The following CALB2 variants were observed in gnomAD, a reference collection of about 807,000 sequenced individuals.
CALB2 encodes calretinin.
A neutral mutation model predicts 45.9 loss-of-function variants in CALB2; 34 were observed. The ratio of observed to expected loss-of-function variants is 0.74; its 90% CI spans 0.56 to 0.99. CALB2 has a LOEUF of 0.99. Ranked by LOEUF, CALB2 falls within the 50% of genes least tolerant of loss-of-function variation. The pLI is 0.00. For synonymous variants in CALB2, 142 were observed against 129.6 expected (o/e 1.10, Z -0.65); for missense variants, 344 against 339.3 (o/e 1.01, Z -0.11).
Position 71,383,330 on chromosome 16 carries a change from C to T in CALB2, c.400-37C>T, listed in dbSNP as rs111370553. 8,722 of 1,583,002 alleles carry T rather than the reference C, an allele frequency of 5.5e-3. 40 individuals carry two copies. The highest frequency in any genetic ancestry group is 0.012 in the South Asian group (1,088 of 90,130). On this transcript the variant is annotated intron_variant, in intron 5 of 10. Transcript: ENST00000302628. Reference sequence around the variant, plus strand: ...GGAAATGAATGAGGGACCGAATGCACGAGTCAGGAGTACTAAAGAGGCCTT... The same window carrying T: ...GGAAATGAATGAGGGACCGAATGCATGAGTCAGGAGTACTAAAGAGGCCTT...
chr16:71,373,790 A>G (rs1289386603), intron 2 of CALB2, among the ~76,000 whole-genome samples: 1 of 152,256 alleles, frequency 6.6e-6, no homozygotes, highest in Admixed American at 6.5e-5. Context: ...AGATGGCCAC[A>G]TTTGTGACAA....
At chr16:71,366,139 G>A (rs887501602) in intron 1 of CALB2, among the ~76,000 whole-genome samples, 3 of 145,126 alleles carry the variant, frequency 2.1e-5, no homozygotes, top group Admixed American at 7.1e-5. Flanking sequence ...CCATTCTCCT[G>A]CCTCAGCCTC....
At chr16:71,373,622 T>C (rs7193435) in intron 2 of CALB2, among the ~76,000 whole-genome samples, 23,323 of 152,170 alleles carry the variant, frequency 0.15, 1,979 homozygotes, top group African/African-American at 0.21. Context: ...GAGCAGCTGT[T>C]ATATAGTAGA....
rs543192810 is a variant in CALB2, at chr16:71,372,304, G to A, written c.171+75G>A. The A allele has an allele frequency of 7.5e-5, 79 of 1,054,800 alleles. No individual in the cohort carries two copies. In the African/African-American group the frequency reaches 1.0e-3, roughly 14 times the overall value. The allele number at this position is 1,054,800 out of a possible 1,614,324, so 65.3% of individuals were successfully genotyped here. A position where few individuals can be genotyped will look rare whatever the true frequency, so the allele number is the denominator to read the frequency against. On this transcript the variant is annotated intron_variant, in intron 2 of 10. Coordinates refer to ENST00000302628, the MANE Select transcript of CALB2 (RefSeq NM_001740.5). The stretch of plus-strand genomic sequence containing the variant: ...TTTGAGCATGCTGTGTCCCAGTTAT[G>A]TATGCCATAAGCAGGCCTCATATCG...
chr16:71,384,741 A>G (rs1215313973), intron 8 of CALB2, 42 bp from the exon 9 acceptor site: 1 of 1,042,370 alleles, frequency 9.6e-7, no homozygotes, highest in East Asian at 6.2e-5. Context: ...CACACACACC[A>G]CTGCGCTTCT....
chr16:71,378,799 C>CA (rs371358056), intron 4 of CALB2, among the ~76,000 whole-genome samples: 9 of 152,126 alleles, frequency 5.9e-5, no homozygotes, highest in African/African-American at 2.2e-4. Context: ...AGTTTGGCTC[C>CA]AGGATCTCAT....
chr16:71,366,156 A>T (rs940459230), intron 1 of CALB2, among the ~76,000 whole-genome samples: 3 of 149,396 alleles, frequency 2.0e-5, no homozygotes, highest in African/African-American at 7.4e-5. Context: ...CCTCCCAAGT[A>T]GATGGGACTA....
At position 71,377,687 on chromosome 16, in the gene CALB2, C is replaced by T. The variant is rs745602535; in HGVS notation, c.282C>T (p.Thr94=). ...EMAELAQILP[T]EENFLLCFRQ... is the part of the protein sequence containing the mutation. Reference sequence around the variant, plus strand: ...CACAGCTGGCGCAGATCCTGCCAACCGAAGAGAACTTCCTTCTGTGCTTCA... The same window carrying T: ...CACAGCTGGCGCAGATCCTGCCAACTGAAGAGAACTTCCTTCTGTGCTTCA... The change falls in exon 4 of 11, where the codon ACC becomes ACT. Residue 94 remains threonine, a synonymous_variant. Coordinates refer to ENST00000302628, the MANE Select transcript of CALB2 (RefSeq NM_001740.5). 11 of 1,613,806 alleles carry T rather than the reference C, an allele frequency of 6.8e-6. No individual in the cohort carries two copies. Among genetic ancestry groups the T allele is most frequent in the South Asian group, 2.2e-5 (2 of 91,072 alleles).
intron 4 of CALB2, among the ~76,000 whole-genome samples, chr16:71,378,963 T>A (rs910657620): frequency 2.6e-5 from 4 of 152,206 alleles, no homozygotes; most frequent in Non-Finnish European, 5.9e-5. Flanking sequence ...TATGATAAGG[T>A]TTCGGTTTTC....
intron 4 of CALB2, 32 bp downstream of exon 4, chr16:71,377,779 A>C: frequency 6.6e-7 from 1 of 1,521,684 alleles, no homozygotes. Flanking sequence ...CTTTCTAAGC[A>C]CTGGGACCTG....
At chr16:71,366,934 G>A (rs932668688) in intron 1 of CALB2, among the ~76,000 whole-genome samples, 1 of 152,076 alleles carries the variant, frequency 6.6e-6, no homozygotes. Context: ...CATAGAGCAG[G>A]CGGTAGAATT....
rs75305135 is a variant in CALB2 at position 71,367,602 on chromosome 16, C to T, written c.95-4551C>T. On this transcript the variant is annotated intron_variant, in intron 1 of 10. Transcript: ENST00000302628. Reference sequence around the variant, plus strand: ...ACCTGCCGATCTCTCCTGTGTTCCTCACTGTCTGCCATCAGCTGCCTGTCT... The same window carrying T: ...ACCTGCCGATCTCTCCTGTGTTCCTTACTGTCTGCCATCAGCTGCCTGTCT... Among the ~76,000 whole-genome samples, 1,298 of 152,278 alleles carry T rather than the reference C, an allele frequency of 8.5e-3. 18 individuals are homozygous for T. The highest frequency in any genetic ancestry group is 0.029 in the African/African-American group (1,224 of 41,550).
chr16:71,362,678 A>C (rs1367432561), intron 1 of CALB2, among the ~76,000 whole-genome samples: 1 of 152,230 alleles, frequency 6.6e-6, no homozygotes, highest in Non-Finnish European at 1.5e-5. Flanking sequence ...CTGTAGCTGA[A>C]CACTATTATA....
chr16:71,390,069 G>C lies in CALB2; in HGVS notation c.*204G>C. 1 of 571,958 alleles carries C rather than the reference G, an allele frequency of 1.7e-6. No individual in the cohort carries two copies. The highest frequency in any genetic ancestry group is 3.1e-6 in the Non-Finnish European group (1 of 319,096). The allele number at this position is 571,958 out of a possible 1,614,324, so 35.4% of individuals were successfully genotyped here. On this transcript the variant is annotated 3_prime_UTR_variant, in exon 11 of 11. Transcript: ENST00000302628. ...CCCTGCACCCACCCCTGCCCAGGCA[G>C]TCTTTGCTCAGTGGATCACACACAT...
intron 4 of CALB2, among the ~76,000 whole-genome samples, chr16:71,379,158 T>A (rs1331231073): frequency 1.3e-5 from 2 of 151,934 alleles, no homozygotes; most frequent in Non-Finnish European, 1.5e-5. Flanking sequence ...ATGCCTGTAA[T>A]CCCAGCTACT....
chr16:71,372,987 AGATCACAT>A (rs1377587583), intron 2 of CALB2, among the ~76,000 whole-genome samples: 1 of 152,206 alleles, frequency 6.6e-6, no homozygotes, highest in Non-Finnish European at 1.5e-5. Context: ...AAGTGACTCC[AGATCACAT>A]CCCAGCCCCT....
chr16:71,358,931 C>T (rs2042211604), intron 1 of CALB2, 45 bp downstream of exon 1: 1 of 1,556,278 alleles, frequency 6.4e-7, no homozygotes, highest in Admixed American at 1.7e-5. Flanking sequence ...ACCCAGGGGA[C>T]CTGCGGTGAA....
intron 10 of CALB2, among the ~76,000 whole-genome samples, chr16:71,388,386 G>T (rs2042596186): frequency 6.6e-6 from 1 of 150,808 alleles, no homozygotes; most frequent in Non-Finnish European, 1.5e-5. Context: ...AGAAAAAAGA[G>T]GGATAGAGTG....
rs147616775 is a variant in CALB2, at chr16:71,383,003, C to T, written c.399+228C>T. ...CCCAGCTCTTCTGCACCTCCATGCTCGGGACAGGAGTCCTCCAGGCAATTC... is the reference window on the plus strand; with the variant it reads ...CCCAGCTCTTCTGCACCTCCATGCTTGGGACAGGAGTCCTCCAGGCAATTC... On this transcript the variant is annotated intron_variant, in intron 5 of 10. Transcript: ENST00000302628. 1.9e-3 allele frequency among the ~76,000 whole-genome samples: 285 copies of T among 152,290 alleles called. 1 individual carries two copies. Among genetic ancestry groups the T allele is most frequent in the African/African-American group, 6.5e-3 (268 of 41,550 alleles).
Sources: gnomAD v4.1 joint callset for allele counts (sites outside exome capture counted in the v4.1 genomes callset) on GRCh38, gnomAD v4.1.1 for gene constraint, MANE v1.5 for transcripts, NCBI Gene and HGNC (gene_info 2026-07-23, HGNC 2026-07-21) for gene names.